The following VAPB variants were observed in gnomAD, a reference collection of about 807,000 sequenced individuals.
VAPB encodes the protein VAMP associated protein B and C, also known as vesicle-associated membrane protein-associated protein B/C.
Under a neutral mutation model 25.6 loss-of-function variants are expected in VAPB, and 7 were observed. That is an observed-to-expected ratio of 0.27 (90% CI 0.16 to 0.51). VAPB has a LOEUF of 0.51. Ranked by LOEUF, VAPB falls within the 20% of genes least tolerant of loss-of-function variation. The pLI is 0.97. For synonymous variants in VAPB, 112 were observed against 109.2 expected (o/e 1.03, Z -0.16); for missense variants, 266 against 301.3 (o/e 0.88, Z 0.87).
At chr20:58,417,545 C>T (rs1401409348) in intron 1 of VAPB, among the ~76,000 whole-genome samples, 1 of 152,156 alleles carries the variant, frequency 6.6e-6, no homozygotes, top group Non-Finnish European at 1.5e-5. Flanking sequence ...TGCAGTCTTC[C>T]CAGTAGCGTG....
chr20:58,399,146 C>T (rs1418240995), intron 1 of VAPB, among the ~76,000 whole-genome samples: 7 of 151,806 alleles, frequency 4.6e-5, no homozygotes. Context: ...ACTAAAAATA[C>T]AAAAGTTAGC....
At position 58,434,012 on chromosome 20, in the gene VAPB, T is replaced by C. The variant is rs554991887; in HGVS notation, c.212-590T>C. 8.5e-5 allele frequency among the ~76,000 whole-genome samples: 13 copies of C among 152,246 alleles called. No homozygotes were observed. The South Asian group carries it at 2.7e-3, about 32-fold the overall frequency. ...CATCCACAGGATCCTCTGTGTGAGATTTCTCTAGGTTCTTAGGGAAAAAAA... is the reference window on the plus strand; with the variant it reads ...CATCCACAGGATCCTCTGTGTGAGACTTCTCTAGGTTCTTAGGGAAAAAAA... On this transcript the variant is annotated intron_variant, in intron 2 of 5. Coordinates refer to ENST00000475243, the MANE Select transcript of VAPB (RefSeq NM_004738.5).
At position 58,445,926 on chromosome 20, in the gene VAPB, A is replaced by G. The variant is rs1379395506; in HGVS notation, c.*1691A>G. ...TGCACAGGTTTGAGAGGACAAGTTC[A>G]TCAGAAGGAAGGCAGTCCTTAGAAG... is the stretch of plus-strand genomic sequence containing the variant. On this transcript the variant is annotated 3_prime_UTR_variant, in exon 6 of 6. Coordinates refer to ENST00000475243, the MANE Select transcript of VAPB (RefSeq NM_004738.5). 1 of 454,070 alleles carries G rather than the reference A, an allele frequency of 2.2e-6. No individual in the cohort carries two copies. Among genetic ancestry groups the G allele is most frequent in the East Asian group, 6.9e-5 (1 of 14,392 alleles). The allele number at this position is 454,070 out of a possible 1,614,324, so 28.1% of individuals were successfully genotyped here. A position where few individuals can be genotyped will look rare whatever the true frequency, so the allele number is the denominator to read the frequency against.
chr20:58,413,483 A>G (rs1988430844), intron 1 of VAPB, among the ~76,000 whole-genome samples: 2 of 152,216 alleles, frequency 1.3e-5, no homozygotes, highest in Non-Finnish European at 2.9e-5. Flanking sequence ...ACCGATCAAC[A>G]GGATCCCAAG....
intron 1 of VAPB, among the ~76,000 whole-genome samples, chr20:58,412,874 G>A (rs1353775121): frequency 6.6e-6 from 1 of 152,110 alleles, no homozygotes; most frequent in South Asian, 2.1e-4. Flanking sequence ...TGTAGATCAG[G>A]AGACTGTTTA....
chr20:58,392,140 C>G (rs1222589317), intron 1 of VAPB, among the ~76,000 whole-genome samples: 3 of 152,230 alleles, frequency 2.0e-5, no homozygotes. Flanking sequence ...CTTCACTCCT[C>G]AAAGCCTGGG....
intron 3 of VAPB, among the ~76,000 whole-genome samples, chr20:58,436,191 AATTTTT>A (rs1400516895): frequency 6.6e-6 from 1 of 152,102 alleles, no homozygotes; most frequent in Non-Finnish European, 1.5e-5. Flanking sequence ...TATAAGTTTA[AATTTTT>A]TTTATATAAA....
Position 58,389,363 on chromosome 20 carries a change from CT to C in VAPB, c.-92del. 6.9e-7 allele frequency: 1 copy of C among 1,448,030 alleles called. No homozygotes were observed. Among genetic ancestry groups the C allele is most frequent in the Non-Finnish European group, 9.4e-7 (1 of 1,059,722 alleles). 89.7% of individuals were successfully genotyped at this position (1,448,030 alleles called of 1,614,324 possible). On this transcript the variant is annotated 5_prime_UTR_variant, in exon 1 of 6. Transcript: ENST00000475243. ...CGCCCGTGCCCCGACCGGTCCCCGCCTTTTTGTAAAACTTAAAGCGGGCGCA... is the reference window on the plus strand; with the variant it reads ...CGCCCGTGCCCCGACCGGTCCCCGCCTTTTGTAAAACTTAAAGCGGGCGCA...
intron 2 of VAPB, among the ~76,000 whole-genome samples, chr20:58,428,295 C>T (rs748816057): frequency 2.6e-5 from 4 of 152,212 alleles, no homozygotes; most frequent in Non-Finnish European, 5.9e-5. Flanking sequence ...AGTGACCTGG[C>T]TTCCAGGCTG....
At chr20:58,421,270 C>T (rs1221861670) in intron 2 of VAPB, among the ~76,000 whole-genome samples, 2 of 152,190 alleles carry the variant, frequency 1.3e-5, no homozygotes, top group African/African-American at 2.4e-5. Context: ...CAGCATGGTA[C>T]AAGAGTGGTA....
rs1264843669 is a variant in VAPB at position 58,445,605 on chromosome 20, A to G, written c.*1370A>G. The G allele has an allele frequency of 9.0e-5, 41 of 453,870 alleles. No individual in the cohort carries two copies. In the East Asian group the frequency reaches 2.6e-3, roughly 29 times the overall value. The allele number at this position is 453,870 out of a possible 1,614,324, so 28.1% of individuals were successfully genotyped here. ...CTATGGGGGGAATTATTATTTTATC[A>G]TTTTTATTATTTTGCCATTGGAAGG... On this transcript the variant is annotated 3_prime_UTR_variant, in exon 6 of 6. Transcript: ENST00000475243.
chr20:58,415,419 T>A (rs1043207307), intron 1 of VAPB, among the ~76,000 whole-genome samples: 1 of 152,216 alleles, frequency 6.6e-6, no homozygotes, highest in South Asian at 2.1e-4. Context: ...GAGTAACAGT[T>A]TCAAAGAGTA....
At chr20:58,407,713 T>G (rs1332592857) in intron 1 of VAPB, among the ~76,000 whole-genome samples, 1 of 152,144 alleles carries the variant, frequency 6.6e-6, no homozygotes, top group African/African-American at 2.4e-5. Flanking sequence ...TTTCCGTTTT[T>G]TTCTAGATCA....
At chr20:58,416,272 G>A (rs2123055444) in intron 1 of VAPB, among the ~76,000 whole-genome samples, 1 of 152,230 alleles carries the variant, frequency 6.6e-6, no homozygotes, top group African/African-American at 2.4e-5. Context: ...TAACTGTGAT[G>A]TAATAGATTA....
In VAPB at chr20:58,434,948, G is replaced by C. The variant is rs572555266; in HGVS notation, c.315+243G>C. On this transcript the variant is annotated intron_variant, in intron 3 of 5. Transcript: ENST00000475243. ...TTTCTGACTTTCCTGAGCTCAGTGT[G>C]CTTCAGCAGCTCCTTGCACTGGTGG... is the stretch of plus-strand genomic sequence containing the variant. Among the ~76,000 whole-genome samples, 89 of 152,268 alleles carry C rather than the reference G, an allele frequency of 5.8e-4. No individual in the cohort carries two copies. In the Middle Eastern group the frequency reaches 0.01, roughly 17 times the overall value.
In VAPB at chr20:58,449,119, A is replaced by G. The variant is rs1281072442; in HGVS notation, c.*4884A>G. 2 of 454,134 alleles carry G rather than the reference A, an allele frequency of 4.4e-6. No homozygotes were observed. Among genetic ancestry groups the G allele is most frequent in the Admixed American group, 4.7e-5 (2 of 42,576 alleles). The allele number at this position is 454,134 out of a possible 1,614,324, so 28.1% of individuals were successfully genotyped here. ...GATAAGGAGCGTCAGCCGACAGGCAAGCTTGGGAGGCTGTGGGAATGGGTC... is the reference window on the plus strand; with the variant it reads ...GATAAGGAGCGTCAGCCGACAGGCAGGCTTGGGAGGCTGTGGGAATGGGTC... On this transcript the variant is annotated 3_prime_UTR_variant, in exon 6 of 6. Coordinates refer to ENST00000475243, the MANE Select transcript of VAPB (RefSeq NM_004738.5).
intron 3 of VAPB, among the ~76,000 whole-genome samples, chr20:58,437,579 C>T (rs757336461): frequency 2.2e-4 from 34 of 152,178 alleles, no homozygotes; most frequent in Non-Finnish European, 4.0e-4. Flanking sequence ...ATATCCTGCT[C>T]GCCAGCAGTC....
intron 1 of VAPB, among the ~76,000 whole-genome samples, chr20:58,410,457 C>T (rs1988349290): frequency 6.6e-6 from 1 of 152,126 alleles, no homozygotes; most frequent in Non-Finnish European, 1.5e-5. Context: ...TGCTCCATCA[C>T]ACAGGCTGGA....
rs755474083 is a variant in VAPB at position 58,418,262 on chromosome 20, A to C, written c.110A>C (p.Asp37Ala). The C allele has an allele frequency of 8.1e-6, 13 of 1,614,098 alleles. No individual in the cohort carries two copies. The highest frequency in any genetic ancestry group is 1.1e-5 in the Non-Finnish European group (13 of 1,180,010). ...AACCTAAAGCTTGGCAACCCGACAGACCGAAATGTGTGTTTTAAGGTGAAG... is the reference window on the plus strand; with the variant it reads ...AACCTAAAGCTTGGCAACCCGACAGCCCGAAATGTGTGTTTTAAGGTGAAG... ...TTNLKLGNPT[D>A]RNVCFKVKTT... The change falls in exon 2 of 6, where the codon GAC becomes GCC. Residue 37 changes from aspartate to alanine, a missense_variant. Coordinates refer to ENST00000475243, the MANE Select transcript of VAPB (RefSeq NM_004738.5).
Sources: gnomAD v4.1 joint callset for allele counts (sites outside exome capture counted in the v4.1 genomes callset) on GRCh38, gnomAD v4.1.1 for gene constraint, MANE v1.5 for transcripts, NCBI Gene and HGNC (gene_info 2026-07-23, HGNC 2026-07-21) for gene names.